The following PCP4 variants were observed in gnomAD, a reference collection of about 807,000 sequenced individuals.
PCP4 encodes Purkinje cell protein 4.
Under a neutral mutation model 10.0 loss-of-function variants are expected in PCP4, and 8 were observed. The ratio of observed to expected loss-of-function variants is 0.80; its 90% CI spans 0.47 to 1.45. PCP4 has a LOEUF of 1.45. Ranked by LOEUF, PCP4 falls within the 40% of genes most tolerant of loss-of-function variation. The pLI is 0.00. For synonymous variants in PCP4, 21 were observed against 23.0 expected (o/e 0.91, Z 0.24); for missense variants, 54 against 74.4 (o/e 0.73, Z 1.01).
chr21:39,883,723 A>G (rs998577043), intron 1 of PCP4: 2 of 152,310 alleles, frequency 1.3e-5, no homozygotes, highest in Non-Finnish European at 2.9e-5. Flanking sequence ...GAGCAGAATC[A>G]TTTATTTGTG....
intron 2 of PCP4, among the ~76,000 whole-genome samples, chr21:39,911,767 T>C (rs944879558): frequency 3.3e-5 from 5 of 152,214 alleles, no homozygotes; most frequent in African/African-American, 1.2e-4. Flanking sequence ...ATGATGGCTG[T>C]GTGTGGAAGA....
intron 1 of PCP4, among the ~76,000 whole-genome samples, chr21:39,871,582 C>T (rs926935825): frequency 6.6e-6 from 1 of 152,214 alleles, no homozygotes; most frequent in Non-Finnish European, 1.5e-5. Flanking sequence ...GTTTTAGTTT[C>T]GTTGGACAAC....
chr21:39,899,027 T>C (rs984904443), intron 2 of PCP4, among the ~76,000 whole-genome samples: 1 of 152,146 alleles, frequency 6.6e-6, no homozygotes, highest in Non-Finnish European at 1.5e-5. Context: ...ATGATAGCAG[T>C]GACAGGAACA....
intron 1 of PCP4, among the ~76,000 whole-genome samples, chr21:39,895,260 A>G (rs2087451694): frequency 6.6e-6 from 1 of 152,172 alleles, no homozygotes; most frequent in African/African-American, 2.4e-5. Context: ...TCCATCTGCT[A>G]TTTATTTTAG....
intron 2 of PCP4, among the ~76,000 whole-genome samples, chr21:39,921,434 A>G (rs866175595): frequency 6.6e-6 from 1 of 152,210 alleles, no homozygotes; most frequent in Non-Finnish European, 1.5e-5. Context: ...ATAAATGACT[A>G]CGTAAGTCCA....
chr21:39,897,769 G>A (rs908438264), intron 1 of PCP4, among the ~76,000 whole-genome samples: 7 of 152,140 alleles, frequency 4.6e-5, no homozygotes, highest in African/African-American at 1.2e-4. Flanking sequence ...ACATTGGGCC[G>A]GGCGCGGTGG....
chr21:39,896,571 G>T (rs1199550349), intron 1 of PCP4, among the ~76,000 whole-genome samples: 1 of 152,238 alleles, frequency 6.6e-6, no homozygotes, highest in Admixed American at 6.5e-5. Flanking sequence ...CATTGACTCA[G>T]ATGGAAGGTG....
chr21:39,905,902 GC>G (rs1374634976), intron 2 of PCP4, among the ~76,000 whole-genome samples: 4 of 152,128 alleles, frequency 2.6e-5, no homozygotes, highest in African/African-American at 9.7e-5. Context: ...CAAAAAATTA[GC>G]CGGGGGTGTG....
intron 1 of PCP4, among the ~76,000 whole-genome samples, chr21:39,887,777 C>T (rs2087407735): frequency 6.6e-6 from 1 of 152,168 alleles, no homozygotes; most frequent in Non-Finnish European, 1.5e-5. Flanking sequence ...GTCAAAATAA[C>T]ATTACATATA....
intron 1 of PCP4, among the ~76,000 whole-genome samples, chr21:39,874,484 C>A (rs7278713): frequency 9.9e-5 from 15 of 152,028 alleles, no homozygotes; most frequent in Admixed American, 2.6e-4. Context: ...GTGCTTTGGT[C>A]AATAATCGAA....
chr21:39,919,482 A>T (rs2087584507), intron 2 of PCP4, among the ~76,000 whole-genome samples: 1 of 152,212 alleles, frequency 6.6e-6, no homozygotes, highest in Admixed American at 6.5e-5. Context: ...CTCCTAATGA[A>T]GGCAGACTCC....
At chr21:39,919,188 CCT>C (rs2087582983) in intron 2 of PCP4, among the ~76,000 whole-genome samples, 1 of 152,194 alleles carries the variant, frequency 6.6e-6, no homozygotes, top group Non-Finnish European at 1.5e-5. Flanking sequence ...AACCCCACTC[CCT>C]CTCTTTGGCC....
chr21:39,928,865 AG>A (rs1050169268), intron 2 of PCP4, 118 bp from the exon 3 acceptor site: 3 of 918,702 alleles, frequency 3.3e-6, no homozygotes, highest in Admixed American at 2.2e-5. Context: ...CTGGGGTGTA[AG>A]TTAAGCCCCT....
At chr21:39,872,826 G>A (rs913543372) in intron 1 of PCP4, among the ~76,000 whole-genome samples, 5 of 152,144 alleles carry the variant, frequency 3.3e-5, no homozygotes, top group Admixed American at 2.0e-4. Context: ...GGATACATTT[G>A]GGAAAGTTGT....
intron 2 of PCP4, among the ~76,000 whole-genome samples, chr21:39,911,581 C>T (rs2087540202): frequency 1.3e-5 from 2 of 152,350 alleles, no homozygotes; most frequent in South Asian, 4.1e-4. Context: ...ATAACCTTTT[C>T]ACCTGTGGGC....
At chr21:39,928,189 G>A (rs13046992) in intron 2 of PCP4, among the ~76,000 whole-genome samples, 22,905 of 152,024 alleles carry the variant, frequency 0.15, 2,069 homozygotes, top group South Asian at 0.26. Context: ...CCCTGAACAC[G>A]CCGGGTCTCA....
rs556086989 is a variant in PCP4 at position 39,877,174 on chromosome 21, A to C, written c.9+9664A>C. 1.1e-4 allele frequency among the ~76,000 whole-genome samples: 17 copies of C among 152,316 alleles called. No individual in the cohort carries two copies. In the South Asian group the frequency reaches 3.3e-3, roughly 30 times the overall value. On this transcript the variant is annotated intron_variant, in intron 1 of 2. Coordinates refer to ENST00000328619, the MANE Select transcript of PCP4 (RefSeq NM_006198.3). ...TGTCCAAATTCCACTTAGGGTTTGC[A>C]CAAGTAATTTATTAAATTAAAATTG...
At chr21:39,927,351 A>C (rs1198724860) in intron 2 of PCP4, among the ~76,000 whole-genome samples, 3 of 67,556 alleles carry the variant, frequency 4.4e-5, no homozygotes, top group African/African-American at 1.5e-4. Context: ...CTATCTATCT[A>C]TCTATCTATC....
intron 2 of PCP4, among the ~76,000 whole-genome samples, chr21:39,927,362 T>TATC (rs1428200495): frequency 3.4e-4 from 20 of 59,102 alleles, no homozygotes; most frequent in African/African-American, 9.9e-4. Flanking sequence ...TCTATCTATC[T>TATC]ATCTATCATC....
Sources: gnomAD v4.1 joint callset for allele counts (sites outside exome capture counted in the v4.1 genomes callset) on GRCh38, gnomAD v4.1.1 for gene constraint, MANE v1.5 for transcripts, NCBI Gene and HGNC (gene_info 2026-07-23, HGNC 2026-07-21) for gene names.